POLDIP2: variants seen among roughly 807,000 people sequenced by gnomAD.
The protein encoded by POLDIP2 is polymerase delta-interacting protein 2.
A neutral mutation model predicts 52.9 loss-of-function variants in POLDIP2; 32 were observed. That is an observed-to-expected ratio of 0.61 (90% CI 0.46 to 0.81). The LOEUF is 0.81. Ranked by LOEUF, POLDIP2 falls within the 40% of genes least tolerant of loss-of-function variation. The pLI, the probability that POLDIP2 is intolerant of heterozygous loss-of-function variation, is 0.00. For missense variants in POLDIP2, 371 were observed against 477.3 expected (o/e 0.78, Z 2.07); for synonymous variants, 183 against 183.0 (o/e 1.00, Z 0.00).
In POLDIP2 at chr17:28,353,249, G is replaced by T; in HGVS notation, c.506C>A (p.Ala169Asp). Residue 169 changes from alanine to aspartate, a missense_variant, in exon 5 of 11, where the codon GCC becomes GAC. Physicochemically the swap from Ala to Asp is moderately radical, Grantham distance 126 (BLOSUM62 -2). Coordinates refer to ENST00000540200, the MANE Select transcript of POLDIP2 (RefSeq NM_015584.5). Reference sequence around the variant, plus strand: ...AAATGCTAACTACTCACCTGGGATGGCATAGAGGGCCCGACTGTCATCATG... The same window carrying T: ...AAATGCTAACTACTCACCTGGGATGTCATAGAGGGCCCGACTGTCATCATG... ...ANHDDSRALY[A>D]IPGLDYVSHE... 1 of 1,548,810 alleles carries T rather than the reference G, an allele frequency of 6.5e-7. No individual in the cohort carries two copies. The highest frequency in any genetic ancestry group is 8.9e-7 in the Non-Finnish European group (1 of 1,122,800).
intron 10 of POLDIP2, 93 bp from the exon 11 acceptor site, chr17:28,348,324 G>A: frequency 1.3e-6 from 1 of 751,848 alleles, no homozygotes; most frequent in Non-Finnish European, 2.3e-6. Context: ...CAGCCACAGA[G>A]GACATGTGAG....
At position 28,347,887 on chromosome 17, in the gene POLDIP2, T is replaced by G. The variant is rs1597798081; in HGVS notation, c.*230A>C. 2.0e-6 allele frequency: 1 copy of G among 509,072 alleles called. No individual in the cohort carries two copies. Among genetic ancestry groups the G allele is most frequent in the South Asian group, 2.5e-5 (1 of 39,698 alleles). The allele number at this position is 509,072 out of a possible 1,614,324, so 31.5% of individuals were successfully genotyped here. ...TGAACACAGTTCCTTGGTGGAGAGG[T>G]TTACTGGAACATGGTGTAGGCAGGG... On this transcript the variant is annotated 3_prime_UTR_variant, in exon 11 of 11. Coordinates refer to ENST00000540200, the MANE Select transcript of POLDIP2 (RefSeq NM_015584.5).
chr17:28,353,520 C>CAAAAAAAAAAAAAAAAGAAAAAAAAAAA (rs71135829), intron 4 of POLDIP2, among the ~76,000 whole-genome samples, 175 bp downstream of exon 4: 1 of 54,814 alleles, frequency 1.8e-5, no homozygotes, highest in Non-Finnish European at 3.0e-5. Context: ...GACTCCATAT[C>CAAAAAAAAAAAAAAAAGAAAAAAAAAAA]AAAAAAAAAA....
rs1907800838 is a variant in POLDIP2, at chr17:28,351,720, G to A, written c.703C>T (p.Arg235Trp). ...HPWLELSDVHRETTENIRVTV... is the reference protein window; with the variant it reads ...HPWLELSDVHWETTENIRVTV... ...ACACGTATGTTCTCAGTTGTTTCCC[G>A]ATGAACATCGGAGAGCTCCAGCCAG... Residue 235 changes from arginine to tryptophan, a missense_variant, in exon 7 of 11, where the codon CGG (arginine) becomes TGG (tryptophan). Transcript: ENST00000540200. 3 of 1,613,582 alleles carry A rather than the reference G, an allele frequency of 1.9e-6. No homozygotes were observed. The highest frequency in any genetic ancestry group is 2.5e-6 in the Non-Finnish European group (3 of 1,179,644).
chr17:28,355,684 T>TGC, intron 2 of POLDIP2, 111 bp downstream of exon 2: 1 of 509,152 alleles, frequency 2.0e-6, no homozygotes, highest in Non-Finnish European at 3.5e-6. Context: ...GCACCAAACA[T>TGC]CAAGGTGGAA....
chr17:28,350,804 AC>A lies in POLDIP2; in HGVS notation c.760-13del. 6.3e-7 allele frequency: 1 copy of A among 1,580,560 alleles called. No homozygotes were observed. Among genetic ancestry groups the A allele is most frequent in the South Asian group, 1.2e-5 (1 of 86,142 alleles). On this transcript the variant is annotated splice_polypyrimidine_tract_variant and intron_variant, in intron 7 of 10. Coordinates refer to ENST00000540200, the MANE Select transcript of POLDIP2 (RefSeq NM_015584.5). Reference sequence around the variant, plus strand: ...GAATTCTGGGCTTCCTAGGGAGAAAACAAAAAGAATTTAAGTCCCACAGGGC... The same window carrying A: ...GAATTCTGGGCTTCCTAGGGAGAAAAAAAAAGAATTTAAGTCCCACAGGGC...
chr17:28,349,125 T>C lies in POLDIP2; in HGVS notation c.950A>G (p.Tyr317Cys). 1 of 1,613,622 alleles carries C rather than the reference T, an allele frequency of 6.2e-7. No homozygotes were observed. The highest frequency in any genetic ancestry group is 8.5e-7 in the Non-Finnish European group (1 of 1,179,738). The change falls in exon 10 of 11, where the codon TAT (tyrosine) becomes TGT (cysteine). Residue 317 changes from tyrosine to cysteine, a missense_variant. Tyr to Cys is a radical substitution (Grantham distance 194). Transcript: ENST00000540200. ...AGCCTGCAGCGAGACGTGGCTGCTATACTGGAACGCAGGCTGCTCCTTGGA... is the reference window on the plus strand; with the variant it reads ...AGCCTGCAGCGAGACGTGGCTGCTACACTGGAACGCAGGCTGCTCCTTGGA... Reference protein sequence around the residue: ...VLSKEQPAFQYSSHVSLQASS... With the variant: ...VLSKEQPAFQCSSHVSLQASS...
At position 28,357,298 on chromosome 17, in the gene POLDIP2, G is replaced by C; in HGVS notation, c.151C>G (p.Leu51Val). ...GGCTCCGTCCCTCACCGGGACGAGAGGTGCCTCCGCGTCGTCGTGGTCGAC... is the reference window on the plus strand; with the variant it reads ...GGCTCCGTCCCTCACCGGGACGAGACGTGCCTCCGCGTCGTCGTGGTCGAC... ...PASTTTTRRHLSSRNRPEGKV... is the reference protein window; with the variant it reads ...PASTTTTRRHVSSRNRPEGKV... The change falls in exon 1 of 11, where the codon CTC (leucine) becomes GTC (valine). Residue 51 changes from leucine to valine, a missense_variant. Leu to Val is a conservative substitution (Grantham distance 32). Coordinates refer to ENST00000540200, the MANE Select transcript of POLDIP2 (RefSeq NM_015584.5). 5.7e-6 allele frequency: 9 copies of C among 1,577,984 alleles called. No homozygotes were observed. Among genetic ancestry groups the C allele is most frequent in the Non-Finnish European group, 6.8e-6 (8 of 1,171,836 alleles).
At chr17:28,351,587 C>T (rs1467045159) in intron 7 of POLDIP2, 77 bp downstream of exon 7, 3 of 1,357,282 alleles carry the variant, frequency 2.2e-6, no homozygotes, top group Non-Finnish European at 2.1e-6. Flanking sequence ...AGACTCCCTT[C>T]CCCCGGCAGT....
At chr17:28,348,944 A>C in intron 10 of POLDIP2, 139 bp downstream of exon 10, 2 of 591,576 alleles carry the variant, frequency 3.4e-6, no homozygotes, top group South Asian at 4.2e-5. Context: ...AGTCCCACAC[A>C]ACAATATAGC....
chr17:28,349,844 A>G (rs1907731204), intron 9 of POLDIP2, among the ~76,000 whole-genome samples: 1 of 152,226 alleles, frequency 6.6e-6, no homozygotes, highest in African/African-American at 2.4e-5. Context: ...CTGGAATTTG[A>G]AGTGACTACC....
chr17:28,352,237 C>CTTTTTTTTTTTTTTTTTT (rs782311219), intron 6 of POLDIP2, among the ~76,000 whole-genome samples: 5 of 87,652 alleles, frequency 5.7e-5, no homozygotes, highest in African/African-American at 1.5e-4. Flanking sequence ...GGAATTATTT[C>CTTTTTTTTTTTTTTTTTT]TTTTTTTTTT....
At position 28,354,430 on chromosome 17, in the gene POLDIP2, CAT is replaced by C. The variant is rs550139002; in HGVS notation, c.341+56_341+57del. 2.0e-4 allele frequency: 245 copies of C among 1,213,524 alleles called. No homozygotes were observed. In the African/African-American group the frequency reaches 3.5e-3, roughly 17 times the overall value. 75.2% of individuals were successfully genotyped at this position (1,213,524 alleles called of 1,614,324 possible). The stretch of plus-strand genomic sequence containing the variant: ...GTCTTCACCCCTAGTACCCCAATTA[CAT>C]ATGTCTGCCATCTCCTCCTGAGGAT... On this transcript the variant is annotated intron_variant, in intron 3 of 10. Coordinates refer to ENST00000540200, the MANE Select transcript of POLDIP2 (RefSeq NM_015584.5).
At chr17:28,351,849 T>C (rs367663451) in intron 6 of POLDIP2, 49 bp from the exon 7 acceptor site, 4 of 1,552,086 alleles carry the variant, frequency 2.6e-6, no homozygotes, top group Admixed American at 1.7e-5. Flanking sequence ...GTGGATACAA[T>C]TGTATCTAGT....
chr17:28,350,860 T>C lies in POLDIP2; in HGVS notation c.760-68A>G. The C allele has an allele frequency of 2.4e-6, 3 of 1,251,744 alleles. No homozygotes were observed. The South Asian group carries it at 3.8e-5, about 16-fold the overall frequency. 77.5% of individuals were successfully genotyped at this position (1,251,744 alleles called of 1,614,324 possible). ...CCAAGTGTGTTCCAATCAACATCTC[T>C]CCAGTGCAGTTGATGTATTCCAGGA... On this transcript the variant is annotated intron_variant, in intron 7 of 10. Transcript: ENST00000540200.
Position 28,350,379 on chromosome 17 carries a change from T to C in POLDIP2, c.912+59A>G. On this transcript the variant is annotated intron_variant, in intron 9 of 10. Transcript: ENST00000540200. ...ATAACAACAAAGGAGAAGGAAGCCA[T>C]GCGCTAAGCCCCCAGGCTTGCCACA... is the stretch of plus-strand genomic sequence containing the variant. 5.4e-6 allele frequency: 8 copies of C among 1,481,892 alleles called. 1 individual carries two copies. In the South Asian group the frequency reaches 9.1e-5, roughly 17 times the overall value. 91.8% of individuals were successfully genotyped at this position (1,481,892 alleles called of 1,614,324 possible). A position where few individuals can be genotyped will look rare whatever the true frequency, so the allele number is the denominator to read the frequency against.
Position 28,355,849 on chromosome 17 carries a change from C to T in POLDIP2, c.189G>A (p.Glu63=), listed in dbSNP as rs782222752. 20 of 1,613,046 alleles carry T rather than the reference C, an allele frequency of 1.2e-5. No individual in the cohort carries two copies. The highest frequency in any genetic ancestry group is 3.4e-6 in the Non-Finnish European group (4 of 1,179,612). The change falls in exon 2 of 11, where the codon GAG becomes GAA. Residue 63 remains glutamate (E), a synonymous_variant. Transcript: ENST00000540200. ...TTGGCACCTCAAACACACCAACTGT[C>T]TCCAACACTTTGCCCTCTGGTCGGT... The part of the protein sequence containing the change: ...SRNRPEGKVL[E]TVGVFEVPKQ...
chr17:28,351,524 C>A (rs1907794059), intron 7 of POLDIP2, 140 bp downstream of exon 7: 1 of 801,086 alleles, frequency 1.2e-6, no homozygotes, highest in African/African-American at 1.7e-5. Context: ...CTCAACCCCA[C>A]CCAACACATG....
chr17:28,351,122 T>C (rs1907779040), intron 7 of POLDIP2, among the ~76,000 whole-genome samples: 1 of 152,170 alleles, frequency 6.6e-6, no homozygotes, highest in Non-Finnish European at 1.5e-5. Context: ...TGAGCCCCTG[T>C]CCTCCTCCTG....
Sources: allele counts gnomAD v4.1 joint callset (sites outside exome capture counted in the v4.1 genomes callset), GRCh38; gene constraint gnomAD v4.1.1; transcripts MANE v1.5; gene names NCBI Gene and HGNC (gene_info 2026-07-23, HGNC 2026-07-21).